The following GRM7 variants were observed in gnomAD, a reference collection of about 807,000 sequenced individuals.
The protein encoded by GRM7 is metabotropic glutamate receptor 7.
GRM7 carries 35 observed loss-of-function variants against 84.5 expected under a neutral mutation model. That is an observed-to-expected ratio of 0.41 (90% confidence interval 0.32 to 0.55). The LOEUF (loss-of-function observed/expected upper bound fraction) is 0.55. Ranked by LOEUF, GRM7 falls within the 20% of genes least tolerant of loss-of-function variation. The pLI, the probability that GRM7 is intolerant of heterozygous loss-of-function variation, is 0.19. For synonymous variants in GRM7, 487 were observed against 455.1 expected, an observed-to-expected ratio of 1.07 and a Z score of -0.89; for missense variants, 1,003 against 1,194.6, an observed-to-expected ratio of 0.84 and a Z score of 2.36.
intron 4 of GRM7, among the ~76,000 whole-genome samples, chr3:7,360,269 G>C (rs1457556948): frequency 6.8e-6 from 1 of 147,102 alleles, no homozygotes; most frequent in East Asian, 1.9e-4. Context: ...AGGAAATAGA[G>C]TATCAGCAAA....
At chr3:6,981,681 T>C (rs1694206182) in intron 1 of GRM7, among the ~76,000 whole-genome samples, 1 of 152,130 alleles carries the variant, frequency 6.6e-6, no homozygotes, top group African/African-American at 2.4e-5. Context: ...TTGGTTTCTA[T>C]TGAAATCACT....
intron 8 of GRM7, among the ~76,000 whole-genome samples, chr3:7,676,956 A>C (rs974563242): frequency 6.6e-6 from 1 of 152,030 alleles, no homozygotes; most frequent in Non-Finnish European, 1.5e-5. Context: ...TAAGTGATGC[A>C]TGACTGTACT....
rs62235404 is a variant in GRM7 at position 6,928,013 on chromosome 3, C to T, written c.519+66106C>T. Among the ~76,000 whole-genome samples, 11,172 of 152,184 alleles carry T rather than the reference C, an allele frequency of 0.073. 566 individuals carry two copies. The highest frequency in any genetic ancestry group is 0.11 in the Non-Finnish European group (7,415 of 68,000). On this transcript the variant is annotated intron_variant, in intron 1 of 9. Transcript: ENST00000357716. The surrounding 1 kb of genome is among the most constrained non-coding windows in gnomAD (Gnocchi z 4.5). ...AGGTCGCAAATCCACTTGTAACTCA[C>T]ATAGGCAATTTTTCAGAAATCTAAA...
chr3:7,260,547 G>A (rs895363692), intron 2 of GRM7, among the ~76,000 whole-genome samples: 5 of 152,120 alleles, frequency 3.3e-5, no homozygotes, highest in South Asian at 2.1e-4. Flanking sequence ...CAGTAGTAAC[G>A]TCCCCTTTGT....
intron 4 of GRM7, among the ~76,000 whole-genome samples, chr3:7,410,716 T>C (rs1695899507): frequency 6.6e-6 from 1 of 151,200 alleles, no homozygotes; most frequent in African/African-American, 2.4e-5. Context: ...ACAAGACAAG[T>C]CTATATGTTA....
chr3:7,449,059 G>A (rs1473244306), intron 5 of GRM7, among the ~76,000 whole-genome samples: 3 of 152,026 alleles, frequency 2.0e-5, no homozygotes, highest in Non-Finnish European at 4.4e-5. Context: ...AAATGGTAAT[G>A]TTAGAATTTA....
intron 8 of GRM7, among the ~76,000 whole-genome samples, chr3:7,671,651 G>A (rs535328583): frequency 2.3e-4 from 34 of 150,878 alleles, no homozygotes; most frequent in South Asian, 2.1e-4. Context: ...CCTGTCCCAC[G>A]CTATTTGGTG....
intron 1 of GRM7, among the ~76,000 whole-genome samples, chr3:6,980,580 A>G (rs952909344): frequency 3.3e-5 from 5 of 152,188 alleles, no homozygotes; most frequent in African/African-American, 1.2e-4. Flanking sequence ...TTTTCTTATA[A>G]GGATATTTGT....
chr3:7,639,039 G>T (rs527572598), intron 8 of GRM7, among the ~76,000 whole-genome samples: 12 of 152,090 alleles, frequency 7.9e-5, no homozygotes, highest in Non-Finnish European at 1.6e-4. Flanking sequence ...TTCCTAATTT[G>T]CTTGACCCCC....
intron 2 of GRM7, among the ~76,000 whole-genome samples, chr3:7,226,827 T>C (rs1696998228): frequency 6.6e-6 from 1 of 152,224 alleles, no homozygotes; most frequent in African/African-American, 2.4e-5. Context: ...CTGGGGAATT[T>C]GCATAAAAAT....
intron 1 of GRM7, among the ~76,000 whole-genome samples, chr3:6,933,827 C>T (rs534603380): frequency 6.6e-6 from 1 of 151,700 alleles, no homozygotes; most frequent in Non-Finnish European, 1.5e-5. Flanking sequence ...TCCTACTATT[C>T]AGGAAAGAAT....
intron 4 of GRM7, among the ~76,000 whole-genome samples, chr3:7,355,132 C>G (rs1191159998): frequency 6.6e-6 from 1 of 152,110 alleles, no homozygotes; most frequent in African/African-American, 2.4e-5. Flanking sequence ...TTACTTCACT[C>G]AAATTTCTAG....
At position 6,863,892 on chromosome 3, in the gene GRM7, T is replaced by C. The variant is rs377123220; in HGVS notation, c.519+1985T>C. The stretch of plus-strand genomic sequence containing the variant: ...TCTGTCTGAAAAAAGAGTGAAATGT[T>C]AAAGTCAAGAAAGGGGTTACAGACT... On this transcript the variant is annotated intron_variant, in intron 1 of 9. Transcript: ENST00000357716. The surrounding 1 kb of genome is among the most constrained non-coding windows in gnomAD (Gnocchi z 4.8). Among the ~76,000 whole-genome samples, 29 of 152,266 alleles carry C rather than the reference T, an allele frequency of 1.9e-4. 1 individual carries two copies. The East Asian group carries it at 4.8e-3, about 25-fold the overall frequency.
At chr3:7,549,293 T>C (rs1693326087) in intron 7 of GRM7, among the ~76,000 whole-genome samples, 1 of 152,234 alleles carries the variant, frequency 6.6e-6, no homozygotes, top group Admixed American at 6.5e-5. Flanking sequence ...CTGAGTTTAT[T>C]TGTATCTGTT....
At chr3:7,102,514 A>G (rs1699147087) in intron 1 of GRM7, among the ~76,000 whole-genome samples, 1 of 151,660 alleles carries the variant, frequency 6.6e-6, no homozygotes, top group African/African-American at 2.4e-5. Flanking sequence ...CTATGGTATG[A>G]TGTGCCTAAG....
intron 8 of GRM7, among the ~76,000 whole-genome samples, chr3:7,646,974 G>A (rs932826598): frequency 6.6e-6 from 1 of 152,152 alleles, no homozygotes; most frequent in Middle Eastern, 3.2e-3. Flanking sequence ...CACTTGTAGA[G>A]GTGAACTGGG....
At chr3:7,396,380 T>G (rs1448883173) in intron 4 of GRM7, among the ~76,000 whole-genome samples, 1 of 152,166 alleles carries the variant, frequency 6.6e-6, no homozygotes, top group Non-Finnish European at 1.5e-5. Context: ...CTATTTTATT[T>G]TTACTTCCTT....
At chr3:7,712,807 G>C (rs1161410945) in intron 9 of GRM7, among the ~76,000 whole-genome samples, 1 of 152,162 alleles carries the variant, frequency 6.6e-6, no homozygotes, top group Non-Finnish European at 1.5e-5. Context: ...CTGAAATCAA[G>C]GTGGCAGCAG....
At chr3:7,160,720 G>C (rs1338347473) in intron 2 of GRM7, among the ~76,000 whole-genome samples, 3 of 152,132 alleles carry the variant, frequency 2.0e-5, no homozygotes, top group African/African-American at 7.2e-5. Context: ...ACCTATTGGA[G>C]GTAAACTGGG....
Sources: gnomAD v4.1 joint callset for allele counts (sites outside exome capture counted in the v4.1 genomes callset) on GRCh38, gnomAD v4.1.1 for gene constraint, Gnocchi (gnomAD v3.1) non-coding constraint, MANE v1.5 for transcripts, NCBI Gene and HGNC (gene_info 2026-07-23, HGNC 2026-07-21) for gene names.